ABHD16A: variants seen among roughly 807,000 people sequenced by gnomAD.
ABHD16A encodes the protein phosphatidylserine lipase ABHD16A.
A neutral mutation model predicts 89.8 loss-of-function variants in ABHD16A; 47 were observed. That is an observed-to-expected ratio of 0.52 (90% CI 0.41 to 0.67). ABHD16A has a LOEUF of 0.67. Among genes scored for constraint, ABHD16A ranks in the 30% least tolerant of loss-of-function variants. The probability of loss-of-function intolerance (pLI) is 0.00; values close to 1 mark genes in which losing one functional copy is unlikely to be tolerated. For synonymous variants in ABHD16A, 251 were observed against 280.4 expected (o/e 0.90, Z 1.05); for missense variants, 580 against 734.6 (o/e 0.79, Z 2.43).
In ABHD16A at chr6:31,688,793, T is replaced by C; in HGVS notation, c.1187-7A>G. On this transcript the variant is annotated splice_polypyrimidine_tract_variant and splice_region_variant and intron_variant, in intron 13 of 19. Coordinates refer to ENST00000395952, the MANE Select transcript of ABHD16A (RefSeq NM_021160.3). The surrounding 1 kb of genome is among the most constrained non-coding windows in gnomAD (Gnocchi z 4.9). Reference sequence around the variant, plus strand: ...GTCCTGGTCACCAGGCCCCCTAGAGTGGGATAAAGGTGAAGGGATGGCAGA... The same window carrying C: ...GTCCTGGTCACCAGGCCCCCTAGAGCGGGATAAAGGTGAAGGGATGGCAGA... The C allele has an allele frequency of 1.9e-6, 3 of 1,612,086 alleles. No homozygotes were observed. The highest frequency in any genetic ancestry group is 2.5e-6 in the Non-Finnish European group (3 of 1,179,672).
Position 31,687,363 on chromosome 6 carries a change from C to T in ABHD16A, c.1594-68G>A. The T allele has an allele frequency of 6.3e-7, 1 of 1,592,408 alleles. No homozygotes were observed. The highest frequency in any genetic ancestry group is 1.7e-5 in the Admixed American group (1 of 59,934). ...GGGAGGGGCAGCCACTGGACTCCCT[C>T]CCCACCCTCCACTTCCGCATCCACC... On this transcript the variant is annotated intron_variant, in intron 19 of 19. Transcript: ENST00000395952. The surrounding 1 kb of genome is among the most constrained non-coding windows in gnomAD (Gnocchi z 6.3).
At chr6:31,691,409 T>C in intron 9 of ABHD16A, 170 bp downstream of exon 9, 1 of 606,668 alleles carries the variant, frequency 1.6e-6, no homozygotes, top group Non-Finnish European at 2.9e-6. Context: ...ACTTCATCTG[T>C]TTCTCTATCA....
At chr6:31,697,614 T>C (rs1804523370) in intron 4 of ABHD16A, among the ~76,000 whole-genome samples, 1 of 152,160 alleles carries the variant, frequency 6.6e-6, no homozygotes, top group Non-Finnish European at 1.5e-5. Flanking sequence ...CCTGGGCCCA[T>C]CCTTGACTCC....
rs1803660949 is a variant in ABHD16A, at chr6:31,689,609, G to A, written c.1053C>T (p.Ile351=). Residue 351 remains isoleucine (I), a synonymous_variant, in exon 12 of 20, where the codon ATC becomes ATT. Coordinates refer to ENST00000395952, the MANE Select transcript of ABHD16A (RefSeq NM_021160.3). ...TGAAGCCGCCGATGGACCAGGCGTAGATGATGATGTCCTGGGGCTGGAAGC... is the reference window on the plus strand; with the variant it reads ...TGAAGCCGCCGATGGACCAGGCGTAAATGATGATGTCCTGGGGCTGGAAGC... ...RLGFQPQDII[I]YAWSIGGFTA... 2 of 1,609,548 alleles carry A rather than the reference G, an allele frequency of 1.2e-6. No homozygotes were observed. Among genetic ancestry groups the A allele is most frequent in the African/African-American group, 2.7e-5 (2 of 74,856 alleles).
At chr6:31,696,633 CAA>C (rs370598776) in intron 5 of ABHD16A, among the ~76,000 whole-genome samples, 7 of 103,316 alleles carry the variant, frequency 6.8e-5, no homozygotes, top group Admixed American at 2.1e-4. Context: ...AACTCCATCT[CAA>C]AAAAAAAAAA....
Position 31,693,311 on chromosome 6 carries a change from TG to T in ABHD16A, c.503+47del, listed in dbSNP as rs762946520. ...GTGGGAGGGCAGAGCAGAGATTTTC[TG>T]GAATGGTTCTAAGGGGAGAGATACA... On this transcript the variant is annotated intron_variant, in intron 6 of 19. Coordinates refer to ENST00000395952, the MANE Select transcript of ABHD16A (RefSeq NM_021160.3). The surrounding 1 kb of genome is among the most constrained non-coding windows in gnomAD (Gnocchi z 5.0). 6.2e-7 allele frequency: 1 copy of T among 1,607,118 alleles called. No homozygotes were observed. Among genetic ancestry groups the T allele is most frequent in the South Asian group, 1.1e-5 (1 of 90,904 alleles).
chr6:31,688,874 A>C lies in ABHD16A; in HGVS notation c.1187-88T>G. On this transcript the variant is annotated intron_variant, in intron 13 of 19. Transcript: ENST00000395952. The surrounding 1 kb of genome is among the most constrained non-coding windows in gnomAD (Gnocchi z 4.9). Reference sequence around the variant, plus strand: ...CACTATTCACGGAGAAAGAAAACTGAGGCCCCCAGACAAAGGAGTCCTCCT... The same window carrying C: ...CACTATTCACGGAGAAAGAAAACTGCGGCCCCCAGACAAAGGAGTCCTCCT... 4.7e-6 allele frequency: 7 copies of C among 1,476,924 alleles called. No individual in the cohort carries two copies. The highest frequency in any genetic ancestry group is 6.5e-6 in the Non-Finnish European group (7 of 1,075,352). The allele number at this position is 1,476,924 out of a possible 1,614,324, so 91.5% of individuals were successfully genotyped here. A position where few individuals can be genotyped will look rare whatever the true frequency, so the allele number is the denominator to read the frequency against.
In ABHD16A at chr6:31,687,373, C is replaced by A. The variant is rs1340246740; in HGVS notation, c.1594-78G>T. On this transcript the variant is annotated intron_variant, in intron 19 of 19. Coordinates refer to ENST00000395952, the MANE Select transcript of ABHD16A (RefSeq NM_021160.3). The surrounding 1 kb of genome is among the most constrained non-coding windows in gnomAD (Gnocchi z 6.3). ...GCCACTGGACTCCCTCCCCACCCTC[C>A]ACTTCCGCATCCACCACCCACTCTA... 3.1e-5 allele frequency: 49 copies of A among 1,596,462 alleles called. 2 individuals are homozygous for A. In the South Asian group the frequency reaches 4.6e-4, roughly 15 times the overall value.
Position 31,688,665 on chromosome 6 carries a change from G to T in ABHD16A, c.1250+58C>A. On this transcript the variant is annotated intron_variant, in intron 14 of 19. Coordinates refer to ENST00000395952, the MANE Select transcript of ABHD16A (RefSeq NM_021160.3). The surrounding 1 kb of genome is among the most constrained non-coding windows in gnomAD (Gnocchi z 4.9). ...TTAGTACTAGTTTCAGGGTTTGAGC[G>T]CCCAGCAGAGCTGTATGGGGGGCAG... 6.3e-7 allele frequency: 1 copy of T among 1,586,588 alleles called. No homozygotes were observed. The highest frequency in any genetic ancestry group is 8.6e-7 in the Non-Finnish European group (1 of 1,158,786).
Position 31,698,699 on chromosome 6 carries a change from T to G in ABHD16A, c.344-1666A>C, listed in dbSNP as rs928225370. On this transcript the variant is annotated intron_variant, in intron 4 of 19. Transcript: ENST00000395952. The surrounding 1 kb of genome is among the most constrained non-coding windows in gnomAD (Gnocchi z 4.1). ...ATTAAAAATAAATAAAATAAAAAAC[T>G]AAGACAAAACTGAGCAGTGGGAGCT... 3.3e-5 allele frequency among the ~76,000 whole-genome samples: 5 copies of G among 152,072 alleles called. No individual in the cohort carries two copies. The highest frequency in any genetic ancestry group is 4.4e-5 in the Non-Finnish European group (3 of 68,024).
Position 31,693,337 on chromosome 6 carries a change from A to C in ABHD16A, c.503+22T>G, listed in dbSNP as rs950273625. 1 of 1,612,634 alleles carries C rather than the reference A, an allele frequency of 6.2e-7. No individual in the cohort carries two copies. Among genetic ancestry groups the C allele is most frequent in the African/African-American group, 1.3e-5 (1 of 74,904 alleles). The stretch of plus-strand genomic sequence containing the variant: ...GGAATGGTTCTAAGGGGAGAGATAC[A>C]GCAAAAGAACTGGGGCCTCACCGGC... On this transcript the variant is annotated intron_variant, in intron 6 of 19. Coordinates refer to ENST00000395952, the MANE Select transcript of ABHD16A (RefSeq NM_021160.3). This position sits in a 1 kb window ranked among gnomAD's most constrained non-coding sequence, Gnocchi z 5.0.
rs1803529330 is a variant in ABHD16A, at chr6:31,688,552, C to T, written c.1250+171G>A. The stretch of plus-strand genomic sequence containing the variant: ...GCCAGATCCTGAGGTGGTCCAGAGT[C>T]CCAGGGGACCTGGGAGGGGTTAGGC... On this transcript the variant is annotated intron_variant, in intron 14 of 19. Transcript: ENST00000395952. The surrounding 1 kb of genome is among the most constrained non-coding windows in gnomAD (Gnocchi z 4.9). Among the ~76,000 whole-genome samples the T allele has an allele frequency of 6.6e-6, 1 of 152,212 alleles. No homozygotes were observed. The highest frequency in any genetic ancestry group is 2.4e-5 in the African/African-American group (1 of 41,452).
At chr6:31,692,237 G>T (rs1184296198) in intron 7 of ABHD16A, 2 of 285,646 alleles carry the variant, frequency 7.0e-6, no homozygotes, top group Non-Finnish European at 1.3e-5. Context: ...ATCAGATTAT[G>T]ATTCTGTTAA....
chr6:31,689,242 T>C (rs1441204083), intron 12 of ABHD16A, 123 bp from the exon 13 acceptor site: 1 of 911,788 alleles, frequency 1.1e-6, no homozygotes, highest in Non-Finnish European at 1.7e-6. Flanking sequence ...CCCTTGTTTT[T>C]TTCTTAACCT....
intron 1 of ABHD16A, chr6:31,702,918 G>C (rs1299708340): frequency 7.7e-7 from 1 of 1,299,342 alleles, no homozygotes; most frequent in Non-Finnish European, 9.8e-7. Context: ...GGAGAGGAAA[G>C]AACAAAGAGT....
intron 5 of ABHD16A, among the ~76,000 whole-genome samples, chr6:31,696,272 A>G (rs1395703722): frequency 6.6e-6 from 1 of 151,668 alleles, no homozygotes; most frequent in African/African-American, 2.4e-5. Flanking sequence ...TGGAGGTTGT[A>G]GTAAACTGAG....
Position 31,688,466 on chromosome 6 carries a change from G to A in ABHD16A, c.1251-161C>T. The A allele has an allele frequency of 1.2e-6, 1 of 833,836 alleles. No individual in the cohort carries two copies. The highest frequency in any genetic ancestry group is 1.7e-5 in the African/African-American group (1 of 58,660). The allele number at this position is 833,836 out of a possible 1,614,324, so 51.7% of individuals were successfully genotyped here. A position where few individuals can be genotyped will look rare whatever the true frequency, so the allele number is the denominator to read the frequency against. ...GGGGTGAGAGGGGATTATTTAAGGG[G>A]CATGGTTCAGTCTGGCCCTGCTGGG... On this transcript the variant is annotated intron_variant, in intron 14 of 19. Coordinates refer to ENST00000395952, the MANE Select transcript of ABHD16A (RefSeq NM_021160.3). The surrounding 1 kb of genome is among the most constrained non-coding windows in gnomAD (Gnocchi z 4.9).
At chr6:31,697,845 G>GT (rs1804548014) in intron 4 of ABHD16A, among the ~76,000 whole-genome samples, 1 of 152,182 alleles carries the variant, frequency 6.6e-6, no homozygotes, top group African/African-American at 2.4e-5. Context: ...ACACACGGGA[G>GT]ACTCAGCAGG....
chr6:31,700,876 A>G, intron 4 of ABHD16A, 66 bp downstream of exon 4: 2 of 1,365,408 alleles, frequency 1.5e-6, no homozygotes, highest in Non-Finnish European at 1.0e-6. Context: ...TATTTGCACA[A>G]GGTACTTAAT....
Sources: allele counts gnomAD v4.1 joint callset (sites outside exome capture counted in the v4.1 genomes callset), GRCh38; gene constraint gnomAD v4.1.1; non-coding constraint Gnocchi (gnomAD v3.1); transcripts MANE v1.5; gene names NCBI Gene and HGNC (gene_info 2026-07-23, HGNC 2026-07-21).